PLEKHA5: variants seen among roughly 807,000 people sequenced by gnomAD.
The protein encoded by PLEKHA5 is pleckstrin homology domain containing A5, also known as pleckstrin homology domain-containing family A member 5.
Under a neutral mutation model 181.9 loss-of-function variants are expected in PLEKHA5, and 55 were observed. The observed-to-expected ratio is 0.30, with a 90% CI of 0.24 to 0.38. The LOEUF (loss-of-function observed/expected upper bound fraction) is 0.38, where lower values mean the gene tolerates loss of function less well. Ranked by LOEUF, PLEKHA5 falls within the 10% of genes least tolerant of loss-of-function variation. PLEKHA5 has a pLI of 1.00. For synonymous variants in PLEKHA5, 535 were observed against 529.4 expected (o/e 1.01, Z -0.15); for missense variants, 1,432 against 1,549.5 (o/e 0.92, Z 1.27).
At chr12:19,326,404 T>C (rs955281252) in intron 20 of PLEKHA5, among the ~76,000 whole-genome samples, 8 of 152,146 alleles carry the variant, frequency 5.3e-5, no homozygotes, top group Non-Finnish European at 8.8e-5. Flanking sequence ...AGTCAGTTCA[T>C]AGCACTAGTT....
chr12:19,136,339 T>C (rs1230074636), intron 3 of PLEKHA5, among the ~76,000 whole-genome samples: 1 of 152,244 alleles, frequency 6.6e-6, no homozygotes, highest in Non-Finnish European at 1.5e-5. Flanking sequence ...TTTCATATTG[T>C]TTTTATAACT....
intron 12 of PLEKHA5, 33 bp downstream of exon 12, chr12:19,283,778 T>A (rs1382190494): frequency 4.5e-6 from 6 of 1,336,716 alleles, no homozygotes; most frequent in Non-Finnish European, 6.4e-6. Flanking sequence ...GTTAACTCAC[T>A]ACCTTATAAA....
At chr12:19,307,134 TG>T in intron 15 of PLEKHA5, 2 of 847,636 alleles carry the variant, frequency 2.4e-6, no homozygotes, top group Non-Finnish European at 4.0e-6. Flanking sequence ...ATGTAGCTGC[TG>T]GTCTTGTTTC....
intron 3 of PLEKHA5, among the ~76,000 whole-genome samples, chr12:19,139,280 G>C (rs1251640328): frequency 1.3e-5 from 2 of 152,118 alleles, no homozygotes; most frequent in Admixed American, 1.3e-4. Context: ...TGTGGGAGGG[G>C]GAGCCCCAGG....
chr12:19,242,750 A>G (rs2062902201), intron 3 of PLEKHA5, among the ~76,000 whole-genome samples: 1 of 152,034 alleles, frequency 6.6e-6, no homozygotes, highest in Non-Finnish European at 1.5e-5. Context: ...GTTACATCAT[A>G]CTCATATTTT....
chr12:19,267,441 A>G (rs114543864), intron 8 of PLEKHA5, among the ~76,000 whole-genome samples: 201 of 148,544 alleles, frequency 1.4e-3, no homozygotes, highest in African/African-American at 4.8e-3. Flanking sequence ...GTCAGGATCA[A>G]CTGAGGTCAG....
chr12:19,204,333 A>C (rs116602400), intron 3 of PLEKHA5, among the ~76,000 whole-genome samples: 1 of 152,222 alleles, frequency 6.6e-6, no homozygotes, highest in South Asian at 2.1e-4. Context: ...CAAGTGTTCA[A>C]ACACTTCCTA....
chr12:19,226,012 A>G (rs1256059357), intron 3 of PLEKHA5, among the ~76,000 whole-genome samples: 2 of 152,170 alleles, frequency 1.3e-5, no homozygotes, highest in Admixed American at 6.5e-5. Flanking sequence ...TTATTTTTCA[A>G]TTGTGGTAAA....
At chr12:19,142,829 A>G (rs751582337) in intron 3 of PLEKHA5, among the ~76,000 whole-genome samples, 20 of 151,990 alleles carry the variant, frequency 1.3e-4, no homozygotes, top group South Asian at 4.2e-4. Flanking sequence ...TTTCTATTCT[A>G]TTTTTATGTA....
chr12:19,291,059 C>T (rs1446157528), intron 14 of PLEKHA5, among the ~76,000 whole-genome samples: 2 of 152,108 alleles, frequency 1.3e-5, no homozygotes, highest in Admixed American at 6.6e-5. Context: ...GAAGGCAATG[C>T]GTACAATACT....
In PLEKHA5 at chr12:19,274,776, C is replaced by G; in HGVS notation, c.1106C>G (p.Thr369Ser). 2 of 1,614,178 alleles carry G rather than the reference C, an allele frequency of 1.2e-6. No individual in the cohort carries two copies. The highest frequency in any genetic ancestry group is 1.7e-6 in the Non-Finnish European group (2 of 1,180,030). The change falls in exon 11 of 32, where the codon ACT (threonine) becomes AGT (serine). Residue 369 changes from threonine (T) to serine (S), a missense_variant. This residue lies in a region of PLEKHA5 where 1,143 missense variants were observed against 1,168.4 expected (regional missense o/e 0.98). Transcript: ENST00000429027. ...YESGSACPAQ[T>S]VHYRPINLSS... The stretch of plus-strand genomic sequence containing the variant: ...AGTGGGTCAGCATGCCCTGCTCAGA[C>G]TGTGCACTACAGACCAATCAACTTG...
At chr12:19,334,862 A>ATATATATATATATATATATATATATATC (rs1565630250) in intron 20 of PLEKHA5, among the ~76,000 whole-genome samples, 1 of 62,690 alleles carries the variant, frequency 1.6e-5, no homozygotes, top group African/African-American at 4.8e-5. Flanking sequence ...ATATATATAT[A>ATATATATATATATATATATATATATATC]TATATATCTC....
rs141351796 is a variant in PLEKHA5, at chr12:19,283,728, A to G, written c.1762A>G (p.Arg588Gly). ...RGDVTIDRRH[R>G]AHHPKHVYVP... ...AGATGTGACAATAGACCGCAGACAC[A>G]GGGCCCATCACCCTAAGGTAAAATA... The change falls in exon 12 of 32, where the codon AGG (arginine) becomes GGG (glycine). Residue 588 changes from arginine to glycine, a missense_variant. Physicochemically the swap from Arg to Gly is moderately radical, Grantham distance 125. Around this residue, in one of 2 missense-constraint regions of PLEKHA5, gnomAD observed 1,143 missense variants for 1,168.4 expected, o/e 0.98. Coordinates refer to ENST00000429027, the MANE Select transcript of PLEKHA5 (RefSeq NM_001256470.2). 1.9e-6 allele frequency: 3 copies of G among 1,611,320 alleles called. No individual in the cohort carries two copies. Among genetic ancestry groups the G allele is most frequent in the Non-Finnish European group, 2.5e-6 (3 of 1,177,794 alleles).
chr12:19,367,513 C>T (rs1023825305), intron 30 of PLEKHA5, among the ~76,000 whole-genome samples: 4 of 151,848 alleles, frequency 2.6e-5, no homozygotes, highest in Non-Finnish European at 4.4e-5. Context: ...CCTCAGCTTC[C>T]CAAAGTGCTA....
At chr12:19,194,369 G>A (rs561788411) in intron 3 of PLEKHA5, among the ~76,000 whole-genome samples, 11 of 152,190 alleles carry the variant, frequency 7.2e-5, no homozygotes, top group East Asian at 5.8e-4. Context: ...GATTGATTCC[G>A]TATCTTTGCT....
At chr12:19,210,922 T>C (rs886256114) in intron 3 of PLEKHA5, among the ~76,000 whole-genome samples, 1 of 152,182 alleles carries the variant, frequency 6.6e-6, no homozygotes, top group African/African-American at 2.4e-5. Context: ...ATTTTTTTTT[T>C]TATATTTGAA....
intron 20 of PLEKHA5, among the ~76,000 whole-genome samples, chr12:19,328,716 ATC>A (rs2092536722): frequency 6.6e-6 from 1 of 152,258 alleles, no homozygotes; most frequent in Admixed American, 6.5e-5. Context: ...GAAGTCATTT[ATC>A]AGTTGTAGGA....
chr12:19,163,010 T>G (rs2043344461), intron 3 of PLEKHA5, among the ~76,000 whole-genome samples: 1 of 152,134 alleles, frequency 6.6e-6, no homozygotes, highest in African/African-American at 2.4e-5. Context: ...TTAAGAAACA[T>G]TGCTGGCTCT....
At chr12:19,215,855 C>T (rs954362593) in intron 3 of PLEKHA5, among the ~76,000 whole-genome samples, 17 of 151,972 alleles carry the variant, frequency 1.1e-4, no homozygotes, top group African/African-American at 3.9e-4. Flanking sequence ...ACAAGTCAGC[C>T]CCCAACTTAC....
Sources: gnomAD v4.1 joint callset for allele counts (sites outside exome capture counted in the v4.1 genomes callset) on GRCh38, gnomAD v4.1.1 for gene constraint, gnomAD v4.1.1 regional missense constraint, MANE v1.5 for transcripts, NCBI Gene and HGNC (gene_info 2026-07-23, HGNC 2026-07-21) for gene names.